The following FMR1 variants were observed in gnomAD, a reference collection of about 807,000 sequenced individuals.
FMR1 encodes the protein fragile X messenger ribonucleoprotein 1.
A neutral mutation model predicts 50.6 loss-of-function variants in FMR1; 13 were observed. The observed-to-expected ratio is 0.26, with a 90% CI of 0.17 to 0.41. The LOEUF is 0.41. Among genes scored for constraint, FMR1 ranks in the 10% least tolerant of loss-of-function variants. FMR1 has a pLI of 1.00. For synonymous variants in FMR1, 138 were observed against 164.1 expected (o/e 0.84, Z 1.22); for missense variants, 316 against 491.3 (o/e 0.64, Z 3.37).
At chrX:147,919,150 G>A (rs975675855) in intron 1 of FMR1, among the ~76,000 whole-genome samples, 9 of 111,830 alleles carry the variant, frequency 8.0e-5, no homozygotes, top group African/African-American at 2.9e-4. Flanking sequence ...GCCCTTCTTT[G>A]TAAATAAGGG....
intron 9 of FMR1, chrX:147,933,773 C>A: frequency 3.0e-6 from 1 of 338,372 alleles, no homozygotes; most frequent in Non-Finnish European, 3.9e-6. Flanking sequence ...AAGAAGAAAG[C>A]AAGGACTTCT....
intron 1 of FMR1, among the ~76,000 whole-genome samples, chrX:147,918,245 C>T (rs1358606080): frequency 9.0e-6 from 1 of 111,546 alleles, no homozygotes; most frequent in Admixed American, 9.5e-5. Context: ...AAGATGGAAC[C>T]TTGTTGGAAT....
intron 16 of FMR1, chrX:147,948,421 A>G: frequency 3.0e-6 from 3 of 992,401 alleles, no homozygotes; most frequent in Non-Finnish European, 3.8e-6. Context: ...AGAAGAAGAC[A>G]TGATAGGATT....
At chrX:147,927,812 G>A (rs1402731901) in intron 3 of FMR1, 4 of 112,517 alleles carry the variant, frequency 3.6e-5, no homozygotes, top group Non-Finnish European at 5.6e-5. Context: ...AAGTGACCAA[G>A]GATCTGTCCA....
intron 1 of FMR1, among the ~76,000 whole-genome samples, chrX:147,921,123 A>G: frequency 8.9e-6 from 1 of 112,043 alleles, no homozygotes; most frequent in East Asian, 2.8e-4. Context: ...AAATTAAGAT[A>G]TAAAGCCTTT....
At chrX:147,925,325 C>T (rs1462783210) in intron 2 of FMR1, among the ~76,000 whole-genome samples, 4 of 111,514 alleles carry the variant, frequency 3.6e-5, no homozygotes, top group East Asian at 2.8e-4. Flanking sequence ...ATATTCCAAA[C>T]GGGAGTAGGC....
intron 5 of FMR1, among the ~76,000 whole-genome samples, chrX:147,929,538 A>T (rs782137332): frequency 9.2e-6 from 1 of 108,824 alleles, no homozygotes; most frequent in South Asian, 4.0e-4. Flanking sequence ...AAAACATCTC[A>T]TATGCCCCAT....
chrX:147,927,242 AG>A (rs1476390305), intron 3 of FMR1, among the ~76,000 whole-genome samples: 1 of 111,509 alleles, frequency 9.0e-6, no homozygotes, highest in African/African-American at 3.3e-5. Flanking sequence ...TGTTTGATGG[AG>A]GGATGAAAGG....
chrX:147,937,129 T>C (rs2043815988), intron 10 of FMR1, among the ~76,000 whole-genome samples: 1 of 111,434 alleles, frequency 9.0e-6, no homozygotes, highest in Non-Finnish European at 1.9e-5. Flanking sequence ...CCCTTTTATC[T>C]TCATAAATAT....
chrX:147,950,836 A>G lies in FMR1; in HGVS notation c.*1992A>G, dbSNP rs1557183618. 1 of 310,547 alleles carries G rather than the reference A, an allele frequency of 3.2e-6. No homozygotes were observed. The highest frequency in any genetic ancestry group is 6.2e-6 in the Non-Finnish European group (1 of 162,542). 25.6% of individuals were successfully genotyped at this position (310,547 alleles called of 1,213,427 possible). On this transcript the variant is annotated 3_prime_UTR_variant, in exon 17 of 17. Coordinates refer to ENST00000370475, the MANE Select transcript of FMR1 (RefSeq NM_002024.6). ...ACTCAACCAAATGGTACAAAACCAC[A>G]GTGTACCATTAAAATATGCACTAAG...
chrX:147,919,328 A>G (rs1044342790), intron 1 of FMR1, among the ~76,000 whole-genome samples: 8 of 111,853 alleles, frequency 7.2e-5, no homozygotes, highest in Middle Eastern at 4.6e-3. Context: ...TATAGAAATA[A>G]GAGCCTAAGA....
intron 2 of FMR1, among the ~76,000 whole-genome samples, chrX:147,922,273 G>A (rs1366900157): frequency 3.6e-5 from 4 of 111,685 alleles, no homozygotes; most frequent in East Asian, 5.6e-4. Context: ...CTGGAAGTTC[G>A]CATAGGAGTA....
intron 9 of FMR1, among the ~76,000 whole-genome samples, chrX:147,936,249 T>A (rs969350527): frequency 8.9e-5 from 10 of 111,866 alleles, no homozygotes; most frequent in African/African-American, 2.6e-4. Context: ...AATTACCCTA[T>A]CAGTTTGCAA....
intron 13 of FMR1, among the ~76,000 whole-genome samples, chrX:147,942,431 A>G (rs782091753): frequency 8.9e-5 from 10 of 112,417 alleles, no homozygotes; most frequent in East Asian, 2.8e-4. Flanking sequence ...GTATATTTCT[A>G]TCAACTAAAT....
chrX:147,933,476 C>CT, intron 9 of FMR1: 3 of 971,426 alleles, frequency 3.1e-6, no homozygotes, highest in Non-Finnish European at 2.6e-6. Flanking sequence ...GTCTCTGGGA[C>CT]TTTCTGCAAA....
chrX:147,923,369 A>C (rs1376601582), intron 2 of FMR1, among the ~76,000 whole-genome samples: 1 of 112,040 alleles, frequency 8.9e-6, no homozygotes, highest in Admixed American at 9.4e-5. Flanking sequence ...CAACAGCATC[A>C]CACCAACAGA....
chrX:147,926,915 A>G (rs2043409789), intron 3 of FMR1, among the ~76,000 whole-genome samples: 1 of 111,561 alleles, frequency 9.0e-6, no homozygotes, highest in African/African-American at 3.3e-5. Flanking sequence ...GTCTTAAAGA[A>G]AAAAAAAGGG....
At chrX:147,928,256 C>A in intron 3 of FMR1, 66 bp from the exon 4 acceptor site, 1 of 1,027,594 alleles carries the variant, frequency 9.7e-7, no homozygotes. Context: ...TCCTCGATAT[C>A]TGAAAATCTG....
intron 1 of FMR1, among the ~76,000 whole-genome samples, chrX:147,917,913 A>G (rs2042955723): frequency 8.9e-6 from 1 of 111,762 alleles, no homozygotes; most frequent in Admixed American, 9.4e-5. Context: ...CACTAAGTAC[A>G]CTGACTCCAG....
Sources: gnomAD v4.1 joint callset for allele counts (sites outside exome capture counted in the v4.1 genomes callset) on GRCh38, gnomAD v4.1.1 for gene constraint, MANE v1.5 for transcripts, NCBI Gene and HGNC (gene_info 2026-07-23, HGNC 2026-07-21) for gene names.